Variants in TSHZ2 observed in about 807,000 individuals in gnomAD.
TSHZ2 encodes teashirt homolog 2.
Under a neutral mutation model 74.4 loss-of-function variants are expected in TSHZ2, and 21 were observed. The observed-to-expected ratio is 0.28, with a 90% CI of 0.20 to 0.41. The LOEUF is 0.41. Ranked by LOEUF, TSHZ2 falls within the 10% of genes least tolerant of loss-of-function variation. TSHZ2 has a pLI of 1.00. For missense variants in TSHZ2, 1,244 were observed against 1,293.5 expected, an observed-to-expected ratio of 0.96 and a Z score of 0.59; for synonymous variants, 540 against 515.3, an observed-to-expected ratio of 1.05 and a Z score of -0.65.
At chr20:53,278,387 C>T (rs1032617783) in intron 2 of TSHZ2, among the ~76,000 whole-genome samples, 3 of 152,064 alleles carry the variant, frequency 2.0e-5, no homozygotes, top group African/African-American at 4.8e-5. Flanking sequence ...TCATTTATTC[C>T]ATCACTCATT....
At chr20:53,155,906 C>G (rs1987783733) in intron 1 of TSHZ2, among the ~76,000 whole-genome samples, 1 of 152,126 alleles carries the variant, frequency 6.6e-6, no homozygotes, top group Non-Finnish European at 1.5e-5. Flanking sequence ...CAATACCACC[C>G]CTGGATGTTT....
intron 1 of TSHZ2, among the ~76,000 whole-genome samples, chr20:52,996,206 A>G (rs1174026423): frequency 6.6e-6 from 1 of 152,184 alleles, no homozygotes; most frequent in Non-Finnish European, 1.5e-5. Context: ...TATGTCTCCC[A>G]GAATGAGCCA....
chr20:53,401,611 CT>C (rs1441058072), intron 2 of TSHZ2, among the ~76,000 whole-genome samples: 1 of 149,804 alleles, frequency 6.7e-6, no homozygotes, highest in African/African-American at 2.5e-5. Flanking sequence ...GTCCTCATAG[CT>C]TAGCTCCCAC....
chr20:52,975,306 A>T (rs1224412950), intron 1 of TSHZ2, among the ~76,000 whole-genome samples: 1 of 152,018 alleles, frequency 6.6e-6, no homozygotes, highest in Non-Finnish European at 1.5e-5. Context: ...GCAGTAATTT[A>T]AATTACCAGA....
intron 2 of TSHZ2, among the ~76,000 whole-genome samples, chr20:53,426,351 T>A (rs568548460): frequency 6.6e-6 from 1 of 152,162 alleles, no homozygotes; most frequent in Non-Finnish European, 1.5e-5. Context: ...CAGTCAACCA[T>A]TGGAGAAGGT....
intron 1 of TSHZ2, among the ~76,000 whole-genome samples, chr20:53,064,161 T>C (rs921724199): frequency 6.6e-6 from 1 of 152,208 alleles, no homozygotes; most frequent in African/African-American, 2.4e-5. Flanking sequence ...TCTATATACA[T>C]ATTTTTAAAT....
Position 53,309,629 on chromosome 20 carries a change from C to T in TSHZ2, c.*8+53058C>T, listed in dbSNP as rs6022383. Among the ~76,000 whole-genome samples the T allele has an allele frequency of 5.2e-3, 791 of 152,258 alleles. 7 individuals are homozygous for T. Among genetic ancestry groups the T allele is most frequent in the African/African-American group, 0.018 (750 of 41,540 alleles). ...TCCAGTATATGTCATGTACATCTCC[C>T]AAATTAGCATGCTACCAATGGAGTG... is the stretch of plus-strand genomic sequence containing the variant. On this transcript the variant is annotated intron_variant, in intron 2 of 2. Transcript: ENST00000371497.
chr20:53,051,754 C>G (rs1984476321), intron 1 of TSHZ2, among the ~76,000 whole-genome samples: 1 of 152,182 alleles, frequency 6.6e-6, no homozygotes, highest in African/African-American at 2.4e-5. Flanking sequence ...CACACAAGCC[C>G]TGCCAAGTTC....
intron 1 of TSHZ2, among the ~76,000 whole-genome samples, chr20:53,161,966 T>G (rs948886087): frequency 6.6e-6 from 1 of 152,176 alleles, no homozygotes; most frequent in Non-Finnish European, 1.5e-5. Flanking sequence ...CTTCTCAGAT[T>G]AGTAAAGTGA....
chr20:53,145,377 T>G (rs1320588369), intron 1 of TSHZ2, among the ~76,000 whole-genome samples: 2 of 152,238 alleles, frequency 1.3e-5, no homozygotes, highest in Non-Finnish European at 2.9e-5. Context: ...TCTTTCCTTA[T>G]CTGTACAAAT....
At chr20:53,409,848 T>C (rs1247689954) in intron 2 of TSHZ2, among the ~76,000 whole-genome samples, 2 of 133,148 alleles carry the variant, frequency 1.5e-5, no homozygotes, top group African/African-American at 5.7e-5. Context: ...TTTTTTTTTT[T>C]TTTTTTTTTT....
chr20:53,367,403 C>CA (rs1165888016), intron 2 of TSHZ2, among the ~76,000 whole-genome samples: 1 of 151,316 alleles, frequency 6.6e-6, no homozygotes, highest in Non-Finnish European at 1.5e-5. Context: ...GACTCTGTCT[C>CA]AAAAAAATAA....
intron 1 of TSHZ2, among the ~76,000 whole-genome samples, chr20:53,085,419 A>G (rs1355736988): frequency 6.6e-6 from 1 of 152,152 alleles, no homozygotes; most frequent in Non-Finnish European, 1.5e-5. Flanking sequence ...ATTTCACTTT[A>G]GGTAGAACTT....
At chr20:53,094,180 G>A (rs754778859) in intron 1 of TSHZ2, among the ~76,000 whole-genome samples, 2 of 152,046 alleles carry the variant, frequency 1.3e-5, no homozygotes, top group Non-Finnish European at 2.9e-5. Context: ...TGTCTGGCCT[G>A]CAAATCAGGA....
intron 2 of TSHZ2, among the ~76,000 whole-genome samples, chr20:53,417,822 G>T (rs996575999): frequency 6.6e-6 from 1 of 151,992 alleles, no homozygotes; most frequent in Non-Finnish European, 1.5e-5. Context: ...TCCTTCTATG[G>T]CAGTCTCTTT....
At chr20:53,269,259 A>G (rs983340439) in intron 2 of TSHZ2, among the ~76,000 whole-genome samples, 1 of 151,776 alleles carries the variant, frequency 6.6e-6, no homozygotes, top group African/African-American at 2.4e-5. Context: ...TCATTTACTT[A>G]AGGTTTAAAT....
At chr20:53,291,320 A>G (rs1478981235) in intron 2 of TSHZ2, among the ~76,000 whole-genome samples, 1 of 152,064 alleles carries the variant, frequency 6.6e-6, no homozygotes, top group African/African-American at 2.4e-5. Flanking sequence ...AAAAATACAC[A>G]AAATTAGCTG....
chr20:53,441,483 T>G (rs1354228516), intron 2 of TSHZ2, among the ~76,000 whole-genome samples: 2 of 152,030 alleles, frequency 1.3e-5, no homozygotes, highest in African/African-American at 4.8e-5. Context: ...GAAATGGGGT[T>G]TCACTTGTTA....
At chr20:52,982,942 A>G (rs574434627) in intron 1 of TSHZ2, among the ~76,000 whole-genome samples, 1 of 152,124 alleles carries the variant, frequency 6.6e-6, no homozygotes, top group Non-Finnish European at 1.5e-5. Flanking sequence ...TATTAGTTGA[A>G]CATAGGTCCT....
Sources: allele counts gnomAD v4.1 joint callset (sites outside exome capture counted in the v4.1 genomes callset), GRCh38; gene constraint gnomAD v4.1.1; transcripts MANE v1.5; gene names NCBI Gene and HGNC (gene_info 2026-07-23, HGNC 2026-07-21).